The following NXPE2 variants were observed in gnomAD, a reference collection of about 807,000 sequenced individuals.
NXPE2 encodes NXPE family member 2.
NXPE2 carries 34 observed loss-of-function variants against 34.4 expected under a neutral mutation model. The ratio of observed to expected loss-of-function variants is 0.99; its 90% CI spans 0.75 to 1.31. NXPE2 has a LOEUF of 1.31. NXPE2 is among the 40% of genes most tolerant of loss of function. The probability of loss-of-function intolerance (pLI) is 0.00; values close to 1 mark genes in which losing one functional copy is unlikely to be tolerated. For synonymous variants in NXPE2, 235 were observed against 231.3 expected (o/e 1.02, Z -0.15); for missense variants, 649 against 672.5 (o/e 0.97, Z 0.39).
At chr11:114,547,778 T>C in the NXPE2 span, among the ~76,000 whole-genome samples, 1 of 152,092 alleles carries the variant, frequency 6.6e-6, no homozygotes, top group African/African-American at 2.4e-5. Flanking sequence ...TGGATGGGAT[T>C]GTGGATGAGA....
the NXPE2 span, chr11:114,583,488 T>C: frequency 1.6e-6 from 1 of 636,590 alleles, no homozygotes; most frequent in Non-Finnish European, 3.0e-6. Context: ...TTGTGCTCCA[T>C]CTATCCAGAT....
the NXPE2 span, among the ~76,000 whole-genome samples, chr11:114,801,601 A>AG: frequency 2.6e-5 from 4 of 152,228 alleles, no homozygotes; most frequent in South Asian, 8.3e-4. Flanking sequence ...AATATGTTAT[A>AG]GGTTGTCAAG....
At chr11:114,653,332 C>G in the NXPE2 span, among the ~76,000 whole-genome samples, 1 of 152,138 alleles carries the variant, frequency 6.6e-6, no homozygotes, top group Non-Finnish European at 1.5e-5. Context: ...TCAGTCTGTT[C>G]TTGGTACTTT....
At chr11:114,775,497 T>A in the NXPE2 span, among the ~76,000 whole-genome samples, 1 of 152,200 alleles carries the variant, frequency 6.6e-6, no homozygotes, top group South Asian at 2.1e-4. Context: ...ACCACTCATC[T>A]CATTCCATTT....
At chr11:114,638,145 C>T in the NXPE2 span, among the ~76,000 whole-genome samples, 39 of 151,824 alleles carry the variant, frequency 2.6e-4, no homozygotes, top group Non-Finnish European at 3.1e-4. Flanking sequence ...CCATATTTCT[C>T]GGAGGCTTTG....
chr11:114,675,824 A>G (rs1349202667), upstream of NXPE2, among the ~76,000 whole-genome samples: 1 of 151,920 alleles, frequency 6.6e-6, no homozygotes, highest in Non-Finnish European at 1.5e-5. Flanking sequence ...AAAGCTGGAA[A>G]TATTAAACTA....
At chr11:114,638,194 C>G in the NXPE2 span, among the ~76,000 whole-genome samples, 1 of 151,954 alleles carries the variant, frequency 6.6e-6, no homozygotes, top group African/African-American at 2.4e-5. Flanking sequence ...AACTTCCCTT[C>G]TCGCTTCATT....
At chr11:114,593,785 A>G in the NXPE2 span, among the ~76,000 whole-genome samples, 1 of 152,200 alleles carries the variant, frequency 6.6e-6, no homozygotes, top group Non-Finnish European at 1.5e-5. Context: ...GTGTCCATCA[A>G]CAGACAAATA....
chr11:114,539,697 G>C, the NXPE2 span, among the ~76,000 whole-genome samples: 1 of 151,654 alleles, frequency 6.6e-6, no homozygotes, highest in Non-Finnish European at 1.5e-5. Flanking sequence ...TTATAAAGAG[G>C]AACTATTTAA....
chr11:114,778,541 T>C, the NXPE2 span, among the ~76,000 whole-genome samples: 618 of 152,294 alleles, frequency 4.1e-3, 3 homozygotes, highest in African/African-American at 0.014. Flanking sequence ...GAAGTGACTC[T>C]GTATGGTGGC....
the NXPE2 span, among the ~76,000 whole-genome samples, chr11:114,512,452 C>T: frequency 6.6e-6 from 1 of 152,032 alleles, no homozygotes; most frequent in Non-Finnish European, 1.5e-5. Context: ...AACTTGGCAG[C>T]CACGTAAGTT....
chr11:114,557,596 A>G, the NXPE2 span, among the ~76,000 whole-genome samples: 3 of 148,246 alleles, frequency 2.0e-5, no homozygotes, highest in Admixed American at 6.8e-5. Flanking sequence ...GTTTAATTCT[A>G]GGAATATTTA....
chr11:114,691,955 G>A lies in NXPE2; in HGVS notation c.133-6090G>A, dbSNP rs374257805. 5.3e-5 allele frequency among the ~76,000 whole-genome samples: 8 copies of A among 152,298 alleles called. No homozygotes were observed. In the South Asian group the frequency reaches 1.0e-3, roughly 20 times the overall value. On this transcript the variant is annotated intron_variant, in intron 2 of 5. Coordinates refer to ENST00000389586, the MANE Select transcript of NXPE2 (RefSeq NM_182495.6). ...AGTTCCAGTTTGCAAAGCTGTCCCC[G>A]GCTACAAGCCTCACCACCCAGGAGA...
chr11:114,468,686 C>G, the NXPE2 span, among the ~76,000 whole-genome samples: 1 of 152,140 alleles, frequency 6.6e-6, no homozygotes, highest in African/African-American at 2.4e-5. Context: ...ACAGGTTAGT[C>G]CCCACAACAG....
chr11:114,625,530 G>A, the NXPE2 span, among the ~76,000 whole-genome samples: 2 of 152,284 alleles, frequency 1.3e-5, no homozygotes, highest in South Asian at 4.1e-4. Flanking sequence ...AATAAGTATT[G>A]CCTCATGAGT....
chr11:114,594,009 G>C, the NXPE2 span, among the ~76,000 whole-genome samples: 1 of 152,070 alleles, frequency 6.6e-6, no homozygotes, highest in Non-Finnish European at 1.5e-5. Context: ...GTAGAATGAT[G>C]GCTACCAGAG....
chr11:114,601,229 T>A, the NXPE2 span, among the ~76,000 whole-genome samples: 3 of 151,082 alleles, frequency 2.0e-5, no homozygotes, highest in Non-Finnish European at 4.4e-5. Context: ...TAATTTTTCA[T>A]CCCATTTCCC....
chr11:114,698,957 AG>A (rs774993600), intron 3 of NXPE2, among the ~76,000 whole-genome samples, 179 bp downstream of exon 3: 4 of 152,196 alleles, frequency 2.6e-5, no homozygotes, highest in Non-Finnish European at 5.9e-5. Flanking sequence ...AGTCACCCCT[AG>A]AACTATTTGC....
chr11:114,528,537 T>C, the NXPE2 span, among the ~76,000 whole-genome samples: 3 of 152,224 alleles, frequency 2.0e-5, no homozygotes, highest in Non-Finnish European at 4.4e-5. Context: ...AGGAAGGTAA[T>C]GTGTGTGTCT....
Sources: gnomAD v4.1 joint callset for allele counts (sites outside exome capture counted in the v4.1 genomes callset) on GRCh38, gnomAD v4.1.1 for gene constraint, MANE v1.5 for transcripts, NCBI Gene and HGNC (gene_info 2026-07-23, HGNC 2026-07-21) for gene names.